The following CDH18 variants were observed in gnomAD, a reference collection of about 807,000 sequenced individuals.
CDH18 encodes the protein cadherin-18.
CDH18 carries 31 observed loss-of-function variants against 67.9 expected under a neutral mutation model. The observed-to-expected ratio is 0.46, with a 90% CI of 0.34 to 0.62. The LOEUF is 0.62. CDH18 is among the 20% of genes least tolerant of loss of function. CDH18 has a pLI of 0.01. For synonymous variants in CDH18, 362 were observed against 347.2 expected (o/e 1.04, Z -0.48); for missense variants, 890 against 975.5 (o/e 0.91, Z 1.17).
intron 2 of CDH18, among the ~76,000 whole-genome samples, chr5:20,016,183 C>A (rs945935984): frequency 1.3e-5 from 2 of 151,918 alleles, no homozygotes; most frequent in East Asian, 3.9e-4. Context: ...GAGCTGGAGA[C>A]CATCATTTTT....
chr5:20,194,257 T>C (rs1242126580), intron 2 of CDH18, among the ~76,000 whole-genome samples: 1 of 152,108 alleles, frequency 6.6e-6, no homozygotes, highest in Admixed American at 6.6e-5. Context: ...ATAAGCAACT[T>C]CAGCAAAGTC....
chr5:19,874,361 T>A (rs1181918760), intron 2 of CDH18, among the ~76,000 whole-genome samples: 2 of 152,214 alleles, frequency 1.3e-5, no homozygotes, highest in African/African-American at 4.8e-5. Flanking sequence ...CTTTAAGCTA[T>A]TAAGTTTAGG....
chr5:19,640,707 A>G (rs1229377846), intron 5 of CDH18, among the ~76,000 whole-genome samples: 1 of 152,122 alleles, frequency 6.6e-6, no homozygotes, highest in East Asian at 1.9e-4. Flanking sequence ...CCAAGAAGAC[A>G]GTTTAAAGCA....
Position 19,903,090 on chromosome 5 carries a change from T to C in CDH18, c.-256-63848A>G, listed in dbSNP as rs146552865. On this transcript the variant is annotated intron_variant, in intron 2 of 12. Coordinates refer to ENST00000382275, the MANE Select transcript of CDH18 (RefSeq NM_004934.5). The stretch of plus-strand genomic sequence containing the variant: ...CAGCTTTGCCCAACCACAGTTTATT[T>C]TGGAATAATTTAAATATATCTTCCA... Among the ~76,000 whole-genome samples, 481 of 152,082 alleles carry C rather than the reference T, an allele frequency of 3.2e-3. 1 individual carries two copies. Among genetic ancestry groups the C allele is most frequent in the African/African-American group, 0.011 (461 of 41,542 alleles).
At chr5:20,405,783 G>C (rs539852611) in intron 1 of CDH18, among the ~76,000 whole-genome samples, 6 of 152,172 alleles carry the variant, frequency 3.9e-5, no homozygotes, top group Non-Finnish European at 7.3e-5. Context: ...GATATGAATA[G>C]ACACTTCTGA....
rs560751494 is a variant in CDH18, at chr5:20,174,436, G to A, written c.-518+81008C>T. Among the ~76,000 whole-genome samples the A allele has an allele frequency of 2.2e-4, 34 of 152,268 alleles. 1 individual carries two copies. The highest frequency in any genetic ancestry group is 4.6e-4 in the Non-Finnish European group (31 of 68,022). On this transcript the variant is annotated intron_variant, in intron 2 of 14. Transcript: ENST00000507958. The stretch of plus-strand genomic sequence containing the variant: ...TACTGCTTTATGTGCTGCAGCAGAA[G>A]AAAGGTAACACAGATACACTCAGAT...
intron 5 of CDH18, among the ~76,000 whole-genome samples, chr5:19,662,666 C>T (rs1757345769): frequency 6.6e-6 from 1 of 151,958 alleles, no homozygotes; most frequent in African/African-American, 2.4e-5. Flanking sequence ...ATATGTGCAG[C>T]ACTACATCTG....
chr5:19,551,770 T>C (rs1428921607), intron 8 of CDH18, among the ~76,000 whole-genome samples: 1 of 152,150 alleles, frequency 6.6e-6, no homozygotes, highest in Non-Finnish European at 1.5e-5. Context: ...GGGTTATGAA[T>C]AGGGTTACTA....
intron 8 of CDH18, among the ~76,000 whole-genome samples, chr5:19,569,911 T>G (rs1741081468): frequency 6.9e-6 from 1 of 144,364 alleles, no homozygotes; most frequent in African/African-American, 2.5e-5. Flanking sequence ...TAATAAAAAA[T>G]AAATTAAACT....
intron 1 of CDH18, among the ~76,000 whole-genome samples, chr5:20,411,231 A>G (rs1043685920): frequency 6.6e-6 from 1 of 152,026 alleles, no homozygotes; most frequent in African/African-American, 2.4e-5. Context: ...TAAGTAAAAC[A>G]GTGTGCTACT....
At chr5:20,393,438 C>T (rs114943599) in intron 1 of CDH18, among the ~76,000 whole-genome samples, 2,103 of 152,004 alleles carry the variant, frequency 0.014, 39 homozygotes, top group African/African-American at 0.048. Context: ...CTGGTATAGA[C>T]GAACATTTGT....
At chr5:19,791,212 T>C (rs2149813888) in intron 3 of CDH18, among the ~76,000 whole-genome samples, 1 of 152,180 alleles carries the variant, frequency 6.6e-6, no homozygotes, top group Admixed American at 6.6e-5. Context: ...GGCTTCCTCA[T>C]TTGAAAATGA....
At chr5:20,047,102 C>G (rs1740971673) in intron 2 of CDH18, among the ~76,000 whole-genome samples, 2 of 151,720 alleles carry the variant, frequency 1.3e-5, no homozygotes, top group Admixed American at 6.6e-5. Flanking sequence ...GTAAACAGGA[C>G]AGCATGTTTA....
At chr5:20,319,477 T>G (rs1310365216) in intron 1 of CDH18, among the ~76,000 whole-genome samples, 5 of 152,196 alleles carry the variant, frequency 3.3e-5, no homozygotes, top group African/African-American at 7.2e-5. Flanking sequence ...AACTCCTCTA[T>G]TTTTGTATTT....
chr5:19,500,609 T>C (rs1170337601), intron 11 of CDH18, among the ~76,000 whole-genome samples: 2 of 152,174 alleles, frequency 1.3e-5, no homozygotes, highest in African/African-American at 4.8e-5. Flanking sequence ...ATTGTAAAAA[T>C]ATTCTAACAA....
At chr5:19,564,551 G>A (rs1363458549) in intron 8 of CDH18, among the ~76,000 whole-genome samples, 1 of 152,154 alleles carries the variant, frequency 6.6e-6, no homozygotes, top group Non-Finnish European at 1.5e-5. Context: ...TGGACCTTGA[G>A]TAAGCATCAA....
At chr5:19,870,791 C>T (rs2150018807) in intron 2 of CDH18, among the ~76,000 whole-genome samples, 1 of 152,238 alleles carries the variant, frequency 6.6e-6, no homozygotes, top group South Asian at 2.1e-4. Flanking sequence ...TCTTACTCTG[C>T]ATAAATGTAG....
chr5:20,544,076 G>A (rs1399244449), intron 1 of CDH18, among the ~76,000 whole-genome samples: 1 of 152,102 alleles, frequency 6.6e-6, no homozygotes, highest in Non-Finnish European at 1.5e-5. Context: ...GATTAACTGT[G>A]TGCAAAACTT....
At chr5:19,901,115 A>C (rs1789896459) in intron 2 of CDH18, among the ~76,000 whole-genome samples, 1 of 151,962 alleles carries the variant, frequency 6.6e-6, no homozygotes, top group Non-Finnish European at 1.5e-5. Flanking sequence ...TATTATTACT[A>C]TTTTCTTTAT....
Sources: allele counts gnomAD v4.1 joint callset (sites outside exome capture counted in the v4.1 genomes callset), GRCh38; gene constraint gnomAD v4.1.1; transcripts MANE v1.5; gene names NCBI Gene and HGNC (gene_info 2026-07-23, HGNC 2026-07-21).